The following CYLC2 variants were observed in gnomAD, a reference collection of about 807,000 sequenced individuals.
CYLC2 encodes cylicin-2.
CYLC2 carries 30 observed loss-of-function variants against 26.1 expected under a neutral mutation model. The observed-to-expected ratio is 1.15, with a 90% CI of 0.86 to 1.56. CYLC2 has a LOEUF of 1.56. Among genes scored for constraint, CYLC2 ranks in the 40% most tolerant of loss-of-function variants. The pLI, the probability that CYLC2 is intolerant of heterozygous loss-of-function variation, is 0.00. For missense variants in CYLC2, 498 were observed against 394.4 expected, an observed-to-expected ratio of 1.26 and a Z score of -2.23; for synonymous variants, 158 against 132.8, an observed-to-expected ratio of 1.19 and a Z score of -1.31.
At chr9:103,003,387 T>C (rs1348390926) in intron 3 of CYLC2, 124 bp downstream of exon 3, 3 of 856,944 alleles carry the variant, frequency 3.5e-6, no homozygotes, top group Non-Finnish European at 5.2e-6. Flanking sequence ...TGAAATCATG[T>C]ATAGTTGTAT....
At chr9:103,013,575 T>C (rs1358035198) in intron 6 of CYLC2, among the ~76,000 whole-genome samples, 67 of 112,838 alleles carry the variant, frequency 5.9e-4, no homozygotes, top group African/African-American at 2.2e-3. Context: ...ATCTTACATA[T>C]GTATTTACAA....
chr9:103,018,251 A>C (rs1207597534), intron 7 of CYLC2, 74 bp from the exon 8 acceptor site: 3 of 152,036 alleles, frequency 2.0e-5, no homozygotes, highest in African/African-American at 7.2e-5. Flanking sequence ...CATTTGGTAG[A>C]TGCCCTTTAC....
chr9:103,003,868 A>G (rs1004862653), intron 3 of CYLC2, among the ~76,000 whole-genome samples: 1 of 152,118 alleles, frequency 6.6e-6, no homozygotes, highest in Non-Finnish European at 1.5e-5. Context: ...CAGGACTCAG[A>G]GTATTGGAAA....
intron 5 of CYLC2, chr9:103,010,903 T>G (rs929503848): frequency 2.0e-5 from 3 of 152,030 alleles, no homozygotes; most frequent in African/African-American, 7.2e-5. Context: ...CATAGAATCC[T>G]AGATCAACCA....
rs1829335604 is a variant in CYLC2, at chr9:103,005,493, G to A, written c.862G>A (p.Val288Ile). Residue 288 changes from valine (V) to isoleucine (I), a missense_variant, in exon 5 of 8, where the codon GTC becomes ATC. Val to Ile is a conservative substitution (Grantham distance 29). Transcript: ENST00000374798. ...TACAGACAGTGACTCAAAGGATGAT[G>A]TCAAGAAAGAGTCTAAGAAGGACGC... ...SSTDSDSKDD[V>I]KKESKKDATK... 1 of 1,613,646 alleles carries A rather than the reference G, an allele frequency of 6.2e-7. No individual in the cohort carries two copies. The highest frequency in any genetic ancestry group is 1.1e-5 in the South Asian group (1 of 91,022).
At chr9:102,996,020 T>C (rs1315689949) in intron 1 of CYLC2, among the ~76,000 whole-genome samples, 1 of 151,924 alleles carries the variant, frequency 6.6e-6, no homozygotes, top group African/African-American at 2.4e-5. Flanking sequence ...CACGTTTCAA[T>C]TCTGTAAACC....
chr9:103,004,760 G>A lies in CYLC2; in HGVS notation c.246G>A (p.Met82Ile), dbSNP rs967726738. The change falls in exon 4 of 8, where the codon ATG (methionine) becomes ATA (isoleucine). Residue 82 changes from methionine to isoleucine, a missense_variant. By Grantham distance (10) the Met-to-Ile change is conservative. Coordinates refer to ENST00000374798, the MANE Select transcript of CYLC2 (RefSeq NM_001340.5). ...CATTATGGATGTACCGTTCTTTAATGAGAATTTCTGAGAGACCATCTGTTT... is the reference window on the plus strand; with the variant it reads ...CATTATGGATGTACCGTTCTTTAATAAGAATTTCTGAGAGACCATCTGTTT... ...RQPLWMYRSL[M>I]RISERPSVYL... 4 of 1,611,718 alleles carry A rather than the reference G, an allele frequency of 2.5e-6. No individual in the cohort carries two copies. Among genetic ancestry groups the A allele is most frequent in the Admixed American group, 3.4e-5 (2 of 59,656 alleles).
chr9:103,013,989 G>A lies in CYLC2; in HGVS notation c.*816+1892G>A, dbSNP rs889346627. Among the ~76,000 whole-genome samples the A allele has an allele frequency of 5.2e-3, 497 of 96,382 alleles. 5 individuals carry two copies. Among genetic ancestry groups the A allele is most frequent in the African/African-American group, 0.019 (463 of 25,008 alleles). The allele number at this position is 96,382 out of a possible 152,430, so 63.2% of individuals were successfully genotyped here. A position where few individuals can be genotyped will look rare whatever the true frequency, so the allele number is the denominator to read the frequency against. On this transcript the variant is annotated intron_variant, in intron 6 of 7. Coordinates refer to ENST00000374798, the MANE Select transcript of CYLC2 (RefSeq NM_001340.5). ...TATTATATTATATATTATTTAATAT[G>A]ATATTACAGTTATATTATAATATAT...
At chr9:103,014,480 GTATATTATGCAATATACATAATATA>G (rs1829467257) in intron 6 of CYLC2, among the ~76,000 whole-genome samples, 1 of 128,604 alleles carries the variant, frequency 7.8e-6, no homozygotes, top group African/African-American at 2.8e-5. Flanking sequence ...TACATAATAT[GTATATTATGCAATATACATAATATA>G]TGTAATATAC....
Position 103,001,626 on chromosome 9 carries a change from A to G in CYLC2, c.58+8A>G. The G allele has an allele frequency of 6.5e-7, 1 of 1,543,596 alleles. No homozygotes were observed. The highest frequency in any genetic ancestry group is 8.9e-7 in the Non-Finnish European group (1 of 1,119,760). On this transcript the variant is annotated splice_region_variant and intron_variant, in intron 2 of 7. Coordinates refer to ENST00000374798, the MANE Select transcript of CYLC2 (RefSeq NM_001340.5). The stretch of plus-strand genomic sequence containing the variant: ...ATGATAATTACATTCCAGGTAAGAA[A>G]GCATTCAATATTTATTACAAAACAG...
Position 103,005,309 on chromosome 9 carries a change from G to A in CYLC2, c.678G>A (p.Lys226=). The A allele has an allele frequency of 1.2e-6, 2 of 1,613,694 alleles. No individual in the cohort carries two copies. The highest frequency in any genetic ancestry group is 1.3e-5 in the African/African-American group (1 of 75,006). The part of the protein sequence containing the change: ...DSKKGKKDSK[K]GKDSAIELQA... The stretch of plus-strand genomic sequence containing the variant: ...AAAAAGGTAAAAAGGATTCAAAGAA[G>A]GGCAAGGATTCAGCCATAGAATTAC... The change falls in exon 5 of 8, where the codon AAG becomes AAA. Residue 226 remains lysine (K), a synonymous_variant. Coordinates refer to ENST00000374798, the MANE Select transcript of CYLC2 (RefSeq NM_001340.5).
intron 6 of CYLC2, among the ~76,000 whole-genome samples, chr9:103,013,795 T>C (rs1357679027): frequency 9.5e-6 from 1 of 104,906 alleles, no homozygotes; most frequent in East Asian, 2.8e-4. Flanking sequence ...GATTATATTT[T>C]ATATTATATA....
At position 103,011,947 on chromosome 9, in the gene CYLC2, C is replaced by CTTTTTTTTTTTTTTT. The variant is rs776460013; in HGVS notation, c.*701-22_*701-8dup. On this transcript the variant is annotated intron_variant, in intron 5 of 7. Transcript: ENST00000374798. ...AACTTGCTAATACTTAGATCATTCT[C>CTTTTTTTTTTTTTTT]TTTTTTTTTTTTTTTTTTTTTTTTT... The CTTTTTTTTTTTTTTT allele has an allele frequency of 4.7e-5, 3 of 64,078 alleles. 1 individual carries two copies. Among genetic ancestry groups the CTTTTTTTTTTTTTTT allele is most frequent in the African/African-American group, 6.1e-5 (1 of 16,458 alleles). 4.0% of individuals were successfully genotyped at this position (64,078 alleles called of 1,614,324 possible).
chr9:102,996,341 T>C (rs1829236524), intron 1 of CYLC2, among the ~76,000 whole-genome samples: 1 of 151,936 alleles, frequency 6.6e-6, no homozygotes, highest in Non-Finnish European at 1.5e-5. Flanking sequence ...CTTTCAAATA[T>C]ATAAGCACTG....
chr9:102,995,481 ATAT>A, intron 1 of CYLC2, 84 bp downstream of exon 1: 1 of 977,292 alleles, frequency 1.0e-6, no homozygotes, highest in Non-Finnish European at 1.6e-6. Context: ...GATATTTATT[ATAT>A]TATTATGATG....
At chr9:102,999,977 G>C (rs1178969595) in intron 1 of CYLC2, among the ~76,000 whole-genome samples, 1 of 151,790 alleles carries the variant, frequency 6.6e-6, no homozygotes, top group Non-Finnish European at 1.5e-5. Flanking sequence ...TTGAAAATGA[G>C]TTGAAACATA....
At chr9:103,007,884 G>A (rs1829368030) in intron 5 of CYLC2, among the ~76,000 whole-genome samples, 1 of 151,962 alleles carries the variant, frequency 6.6e-6, no homozygotes, top group African/African-American at 2.4e-5. Context: ...CTTAACATTG[G>A]GTCCTGTCCC....
At chr9:102,997,160 T>C (rs1829246479) in intron 1 of CYLC2, among the ~76,000 whole-genome samples, 1 of 151,928 alleles carries the variant, frequency 6.6e-6, no homozygotes, top group African/African-American at 2.4e-5. Flanking sequence ...ACCACTCACA[T>C]CGTAGTCTAG....
intron 6 of CYLC2, among the ~76,000 whole-genome samples, chr9:103,013,637 T>C (rs1191361412): frequency 1.8e-5 from 2 of 112,578 alleles, no homozygotes; most frequent in African/African-American, 3.7e-5. Context: ...TATAGATATA[T>C]ATTTATATAA....
Sources: gnomAD v4.1 joint callset for allele counts (sites outside exome capture counted in the v4.1 genomes callset) on GRCh38, gnomAD v4.1.1 for gene constraint, MANE v1.5 for transcripts, NCBI Gene and HGNC (gene_info 2026-07-23, HGNC 2026-07-21) for gene names.